MED30: variants seen among roughly 807,000 people sequenced by gnomAD.
MED30 encodes the protein mediator complex subunit 30, also known as mediator of RNA polymerase II transcription subunit 30.
A neutral mutation model predicts 21.7 loss-of-function variants in MED30; 8 were observed. The ratio of observed to expected loss-of-function variants is 0.37; its 90% CI spans 0.22 to 0.67. MED30 has a LOEUF of 0.67. Ranked by LOEUF, MED30 falls within the 30% of genes least tolerant of loss-of-function variation. MED30 has a pLI of 0.58. For missense variants in MED30, 203 were observed against 228.2 expected (o/e 0.89, Z 0.71); for synonymous variants, 79 against 86.7 (o/e 0.91, Z 0.49).
rs375406295 is a variant in MED30 at position 117,534,847 on chromosome 8, A to ATTTTT, written c.441+4022_441+4023insTTTTT. On this transcript the variant is annotated intron_variant, in intron 3 of 3. Coordinates refer to ENST00000297347, the MANE Select transcript of MED30 (RefSeq NM_080651.4). ...AAATTAACTGCTAAAAGGCAAACAA[A>ATTTTT]TTGTTTTTTTTTTTTTTTTTTACCA... 1.7e-3 allele frequency among the ~76,000 whole-genome samples: 104 copies of ATTTTT among 60,506 alleles called. 2 individuals carry two copies. The highest frequency in any genetic ancestry group is 5.5e-3 in the African/African-American group (94 of 17,008). 39.7% of individuals were successfully genotyped at this position (60,506 alleles called of 152,430 possible).
At chr8:117,523,731 A>G (rs1197968280) in intron 1 of MED30, 18 of 1,419,320 alleles carry the variant, frequency 1.3e-5, no homozygotes, top group East Asian at 6.9e-5. Context: ...TTCATAGGCT[A>G]GGCGCGGTGG....
At chr8:117,536,700 C>T (rs182787247) in intron 3 of MED30, among the ~76,000 whole-genome samples, 2 of 152,260 alleles carry the variant, frequency 1.3e-5, no homozygotes, top group East Asian at 3.9e-4. Context: ...TAGTCAAATT[C>T]GTGGTTTATT....
chr8:117,531,864 T>C (rs1256527556), intron 3 of MED30, among the ~76,000 whole-genome samples: 1 of 151,946 alleles, frequency 6.6e-6, no homozygotes, highest in African/African-American at 2.4e-5. Flanking sequence ...CAAATGACAG[T>C]TGGGAAACAG....
chr8:117,531,074 A>T (rs1586863587), intron 3 of MED30, among the ~76,000 whole-genome samples: 2 of 152,180 alleles, frequency 1.3e-5, no homozygotes, highest in East Asian at 3.9e-4. Flanking sequence ...ACACTTAGTC[A>T]CAATCCATTT....
In MED30 at chr8:117,521,053, G is replaced by A. The variant is rs1490925004; in HGVS notation, c.177G>A (p.Gln59=). ...TCTTCCAGCTCCTGAGGAACATGCAGGTAGGAAGGCGGGCGCGCGAGGCCA... is the reference window on the plus strand; with the variant it reads ...TCTTCCAGCTCCTGAGGAACATGCAAGTAGGAAGGCGGGCGCGCGAGGCCA... ...MEIFQLLRNM[Q]LPNGVTYHTG... is the part of the protein sequence containing the mutation. The change falls in exon 1 of 4, where the codon CAG becomes CAA. Residue 59 remains glutamine (Q), a splice_region_variant and synonymous_variant. Coordinates refer to ENST00000297347, the MANE Select transcript of MED30 (RefSeq NM_080651.4). 3.8e-6 allele frequency: 6 copies of A among 1,580,576 alleles called. No homozygotes were observed. Among genetic ancestry groups the A allele is most frequent in the South Asian group, 3.4e-5 (3 of 89,080 alleles).
chr8:117,521,306 A>C (rs1818614540), intron 1 of MED30, among the ~76,000 whole-genome samples: 4 of 152,108 alleles, frequency 2.6e-5, no homozygotes, highest in Middle Eastern at 3.2e-3. Flanking sequence ...TTACTCTGTA[A>C]ACTCTTGCAC....
chr8:117,523,278 AC>A, intron 1 of MED30: 1 of 1,176,716 alleles, frequency 8.5e-7, no homozygotes, highest in Non-Finnish European at 1.3e-6. Context: ...GAGGTGGCTG[AC>A]CATGTCCACG....
At chr8:117,523,182 C>T (rs1221406193) in intron 1 of MED30, 1 of 670,838 alleles carries the variant, frequency 1.5e-6, no homozygotes, top group Non-Finnish European at 2.6e-6. Context: ...TGTGGACCTG[C>T]ATTCAAAGCC....
chr8:117,520,808 C>T lies in MED30; in HGVS notation c.-69C>T. 5 of 1,440,454 alleles carry T rather than the reference C, an allele frequency of 3.5e-6. No individual in the cohort carries two copies. Among genetic ancestry groups the T allele is most frequent in the Non-Finnish European group, 3.7e-6 (4 of 1,084,016 alleles). The allele number at this position is 1,440,454 out of a possible 1,614,324, so 89.2% of individuals were successfully genotyped here. ...GGTTCCAACGCTGAGGCCCCACAGC[C>T]TCCCAATTCCGGGCAGACCCCTGAC... On this transcript the variant is annotated 5_prime_UTR_variant, in exon 1 of 4. Coordinates refer to ENST00000297347, the MANE Select transcript of MED30 (RefSeq NM_080651.4).
At chr8:117,525,749 A>G (rs1027080352) in intron 1 of MED30, among the ~76,000 whole-genome samples, 6 of 152,046 alleles carry the variant, frequency 3.9e-5, no homozygotes, top group Non-Finnish European at 7.4e-5. Flanking sequence ...ATATAAGTGA[A>G]TTTGTTTCTG....
intron 3 of MED30, among the ~76,000 whole-genome samples, chr8:117,536,467 C>T (rs2130818875): frequency 6.6e-6 from 1 of 152,280 alleles, no homozygotes; most frequent in South Asian, 2.1e-4. Flanking sequence ...TACCCCTCAG[C>T]TGACCCTCAG....
intron 3 of MED30, among the ~76,000 whole-genome samples, chr8:117,531,166 T>A (rs1417565853): frequency 6.6e-6 from 1 of 152,028 alleles, no homozygotes; most frequent in Non-Finnish European, 1.5e-5. Context: ...TTTACAAATA[T>A]GAAATGTGAA....
At chr8:117,535,810 C>T (rs544123470) in intron 3 of MED30, among the ~76,000 whole-genome samples, 8 of 151,828 alleles carry the variant, frequency 5.3e-5, no homozygotes, top group African/African-American at 1.4e-4. Flanking sequence ...TTAAAGTTCA[C>T]GGAATCTTAG....
At chr8:117,533,827 G>A (rs917085943) in intron 3 of MED30, among the ~76,000 whole-genome samples, 24 of 152,210 alleles carry the variant, frequency 1.6e-4, no homozygotes, top group African/African-American at 5.5e-4. Context: ...CACCTCTTCT[G>A]TTGGTTTCAC....
chr8:117,529,870 A>G (rs1818770305), intron 2 of MED30, among the ~76,000 whole-genome samples: 2 of 151,986 alleles, frequency 1.3e-5, no homozygotes, highest in African/African-American at 4.8e-5. Context: ...AATCGTCTTC[A>G]GGAGGAAGGA....
intron 1 of MED30, among the ~76,000 whole-genome samples, chr8:117,526,674 A>G (rs527377861): frequency 2.6e-5 from 4 of 152,132 alleles, no homozygotes; most frequent in African/African-American, 7.2e-5. Flanking sequence ...ACTCTGTACT[A>G]TGGAAACCTT....
intron 1 of MED30, among the ~76,000 whole-genome samples, chr8:117,522,186 G>T (rs1818634407): frequency 1.3e-5 from 2 of 152,048 alleles, no homozygotes; most frequent in Admixed American, 1.3e-4. Context: ...AAATTTTGAT[G>T]GAATCCAGCT....
intron 1 of MED30, among the ~76,000 whole-genome samples, chr8:117,521,741 A>G (rs1818626218): frequency 6.6e-6 from 1 of 152,108 alleles, no homozygotes; most frequent in Non-Finnish European, 1.5e-5. Flanking sequence ...CTAAGAATGC[A>G]TCAATAATTT....
rs760193736 is a variant in MED30 at position 117,537,306 on chromosome 8, TAGC to T, written c.442-2573_442-2571del. Among the ~76,000 whole-genome samples, 9 of 152,312 alleles carry T rather than the reference TAGC, an allele frequency of 5.9e-5. No homozygotes were observed. In the South Asian group the frequency reaches 8.3e-4, roughly 14 times the overall value. ...GGGCACAGCTGATGGATTTTGAAAA[TAGC>T]AGCTGTCAACGTCTGTTAAAATCAA... On this transcript the variant is annotated intron_variant, in intron 3 of 3. Transcript: ENST00000297347.
Sources: allele counts gnomAD v4.1 joint callset (sites outside exome capture counted in the v4.1 genomes callset), GRCh38; gene constraint gnomAD v4.1.1; transcripts MANE v1.5; gene names NCBI Gene and HGNC (gene_info 2026-07-23, HGNC 2026-07-21).